The following ASAP1 variants were observed in gnomAD, a reference collection of about 807,000 sequenced individuals.
ASAP1 encodes the protein ArfGAP with SH3 domain, ankyrin repeat and PH domain 1.
In ASAP1, 43 loss-of-function variants were observed where a neutral mutation model predicts 145.2. The observed-to-expected ratio is 0.30, with a 90% confidence interval of 0.23 to 0.38. The LOEUF is 0.38. ASAP1 is among the 10% of genes least tolerant of loss of function. The probability of loss-of-function intolerance (pLI) is 1.00; values close to 1 mark genes in which losing one functional copy is unlikely to be tolerated. For synonymous variants in ASAP1, 546 were observed against 515.5 expected, an observed-to-expected ratio of 1.06 and a Z score of -0.80; for missense variants, 1,018 against 1,355.3, an observed-to-expected ratio of 0.75 and a Z score of 3.91.
intron 3 of ASAP1, among the ~76,000 whole-genome samples, chr8:130,273,784 C>A (rs1332069681): frequency 6.6e-6 from 1 of 152,224 alleles, no homozygotes; most frequent in Non-Finnish European, 1.5e-5. Flanking sequence ...ACATGTAACA[C>A]TCCCCAGGTG....
intron 24 of ASAP1, among the ~76,000 whole-genome samples, chr8:130,098,436 C>T (rs972670974): frequency 2.0e-5 from 3 of 152,088 alleles, no homozygotes; most frequent in African/African-American, 4.8e-5. Context: ...GTCCACCTCC[C>T]GGGTTCAAGC....
intron 7 of ASAP1, among the ~76,000 whole-genome samples, chr8:130,185,555 C>T (rs1300738979): frequency 1.3e-5 from 2 of 151,658 alleles, no homozygotes; most frequent in Admixed American, 6.6e-5. Flanking sequence ...GGTGAAACTC[C>T]GTCTCTACTA....
Position 130,173,555 on chromosome 8 carries a change from CA to C in ASAP1, c.747-4489del, listed in dbSNP as rs751830395. ...CCAAGGCAGGACGATTGCTTGAGCC[CA>C]GGAGTTTGAGACCAGCCTGGACAAC... On this transcript the variant is annotated intron_variant, in intron 9 of 29. Coordinates refer to ENST00000518721, the MANE Select transcript of ASAP1 (RefSeq NM_018482.4). Among the ~76,000 whole-genome samples, 22 of 152,196 alleles carry C rather than the reference CA, an allele frequency of 1.4e-4. No homozygotes were observed. The South Asian group carries it at 4.6e-3, about 32-fold the overall frequency.
intron 1 of ASAP1, among the ~76,000 whole-genome samples, chr8:130,434,818 G>C (rs1207504821): frequency 6.6e-6 from 1 of 152,170 alleles, no homozygotes; most frequent in Non-Finnish European, 1.5e-5. Context: ...CTAGGGGAAA[G>C]GATATCACAT....
At chr8:130,257,830 G>C (rs34656350) in intron 3 of ASAP1, among the ~76,000 whole-genome samples, 56,294 of 141,630 alleles carry the variant, frequency 0.4, 11,210 homozygotes, top group East Asian at 0.6. Context: ...AATCTCAGAA[G>C]TAGTTCTCCA....
rs2097547700 is a variant in ASAP1, at chr8:130,112,012, A to G, written c.2401+82T>C. ...AATGTACCTTGCAATTCTTACCTCA[A>G]AGCTGGCTAGACTATCAGCTCTGAG... On this transcript the variant is annotated intron_variant, in intron 24 of 29. Transcript: ENST00000518721. The G allele has an allele frequency of 3.7e-6, 5 of 1,349,788 alleles. No homozygotes were observed. In the South Asian group the frequency reaches 5.1e-5, roughly 14 times the overall value. 83.6% of individuals were successfully genotyped at this position (1,349,788 alleles called of 1,614,324 possible).
chr8:130,134,067 G>A (rs1413706867), intron 15 of ASAP1, among the ~76,000 whole-genome samples: 1 of 152,178 alleles, frequency 6.6e-6, no homozygotes, highest in Non-Finnish European at 1.5e-5. Context: ...CCCCAGAGAG[G>A]GTGAGGCTTG....
At chr8:130,299,291 A>C (rs1822477498) in intron 3 of ASAP1, among the ~76,000 whole-genome samples, 1 of 152,110 alleles carries the variant, frequency 6.6e-6, no homozygotes, top group Non-Finnish European at 1.5e-5. Flanking sequence ...ACTGAAAAAA[A>C]CAGTTACTTA....
intron 3 of ASAP1, among the ~76,000 whole-genome samples, chr8:130,353,508 T>C (rs1438257971): frequency 3.3e-5 from 5 of 152,202 alleles, no homozygotes; most frequent in African/African-American, 1.2e-4. Flanking sequence ...ATGTTCCCTA[T>C]AAAGCCACTG....
chr8:130,230,488 A>C (rs952725056), intron 4 of ASAP1, among the ~76,000 whole-genome samples: 4 of 152,164 alleles, frequency 2.6e-5, no homozygotes, highest in Admixed American at 2.0e-4. Context: ...CTCCTGGGTA[A>C]GTATATTCCC....
chr8:130,070,850 A>G (rs1592731455), intron 27 of ASAP1, among the ~76,000 whole-genome samples: 3 of 3,856 alleles, frequency 7.8e-4, no homozygotes, highest in Admixed American at 0.011. Flanking sequence ...GGAGAGAGGG[A>G]GAGAGAGGGA....
chr8:130,319,042 T>A (rs1297086399), intron 3 of ASAP1, among the ~76,000 whole-genome samples: 1 of 152,254 alleles, frequency 6.6e-6, no homozygotes, highest in African/African-American at 2.4e-5. Context: ...CAGTCACTCC[T>A]ATAATCAGCA....
chr8:130,316,112 T>G (rs1823647931), intron 3 of ASAP1, among the ~76,000 whole-genome samples: 1 of 152,228 alleles, frequency 6.6e-6, no homozygotes. Context: ...CAAAGAATGC[T>G]GTCCCTTTTC....
chr8:130,244,219 AAAG>A (rs1818712700), intron 3 of ASAP1, among the ~76,000 whole-genome samples: 1 of 152,190 alleles, frequency 6.6e-6, no homozygotes, highest in South Asian at 2.1e-4. Context: ...ATGGAAGGTG[AAAG>A]AATGAATATC....
intron 2 of ASAP1, among the ~76,000 whole-genome samples, chr8:130,400,663 C>T (rs1441174741): frequency 9.2e-5 from 14 of 151,860 alleles, no homozygotes; most frequent in Admixed American, 9.2e-4. Flanking sequence ...TGATGGCAGG[C>T]GCCTGTAGTC....
chr8:130,443,082 T>C (rs1211521069), intron 1 of ASAP1, among the ~76,000 whole-genome samples: 2 of 151,850 alleles, frequency 1.3e-5, no homozygotes, highest in African/African-American at 4.8e-5. Context: ...GGGCGCCCCA[T>C]CGGCGGGGTC....
chr8:130,408,584 C>T (rs1418587409), intron 1 of ASAP1, among the ~76,000 whole-genome samples: 1 of 152,168 alleles, frequency 6.6e-6, no homozygotes, highest in Non-Finnish European at 1.5e-5. Flanking sequence ...GATCAGCCTC[C>T]ATAATCAATT....
intron 2 of ASAP1, among the ~76,000 whole-genome samples, chr8:130,361,513 C>T (rs1826706588): frequency 6.6e-6 from 1 of 152,200 alleles, no homozygotes; most frequent in Non-Finnish European, 1.5e-5. Context: ...ATTGCTGTTT[C>T]AGTTTCATTT....
chr8:130,260,343 C>G (rs1325676517), intron 3 of ASAP1, among the ~76,000 whole-genome samples: 1 of 152,198 alleles, frequency 6.6e-6, no homozygotes, highest in Non-Finnish European at 1.5e-5. Context: ...TTCTCTTATA[C>G]TCACTGCAGT....
Sources: gnomAD v4.1 joint callset for allele counts (sites outside exome capture counted in the v4.1 genomes callset) on GRCh38, gnomAD v4.1.1 for gene constraint, MANE v1.5 for transcripts, NCBI Gene and HGNC (gene_info 2026-07-23, HGNC 2026-07-21) for gene names.